The following CRPPA variants were observed in gnomAD, a reference collection of about 807,000 sequenced individuals.
CRPPA encodes the protein CDP-L-ribitol pyrophosphorylase A.
CRPPA carries 43 observed loss-of-function variants against 52.0 expected under a neutral mutation model. The ratio of observed to expected loss-of-function variants is 0.83; its 90% CI spans 0.65 to 1.07. The LOEUF (loss-of-function observed/expected upper bound fraction) is 1.07. Among genes scored for constraint, CRPPA ranks in the 50% least tolerant of loss-of-function variants. CRPPA has a pLI of 0.00. For missense variants in CRPPA, 629 were observed against 551.7 expected, an observed-to-expected ratio of 1.14 and a Z score of -1.40; for synonymous variants, 250 against 203.5, an observed-to-expected ratio of 1.23 and a Z score of -1.94.
intron 9 of CRPPA, 22 bp downstream of exon 9, chr7:16,216,044 G>A (rs764602965): frequency 2.6e-5 from 40 of 1,549,342 alleles, no homozygotes; most frequent in South Asian, 4.8e-5. Flanking sequence ...ACATACATTC[G>A]GAAGATAAAC....
chr7:16,304,329 A>C (rs1037524026), intron 4 of CRPPA, among the ~76,000 whole-genome samples: 2 of 152,152 alleles, frequency 1.3e-5, no homozygotes, highest in African/African-American at 4.8e-5. Context: ...GAAAGAAAAA[A>C]AAAACTGATA....
intron 1 of CRPPA, among the ~76,000 whole-genome samples, chr7:16,416,757 G>A (rs1788204958): frequency 1.3e-5 from 2 of 151,992 alleles, no homozygotes; most frequent in Non-Finnish European, 1.5e-5. Context: ...TGGGAGGATC[G>A]CTTGAGCCCA....
intron 5 of CRPPA, among the ~76,000 whole-genome samples, chr7:16,293,647 T>G (rs564295577): frequency 1.3e-5 from 2 of 151,880 alleles, no homozygotes; most frequent in African/African-American, 4.8e-5. Context: ...AATAAAGACA[T>G]GCAAGAAAAC....
chr7:16,324,758 T>C (rs1025141486), intron 3 of CRPPA, among the ~76,000 whole-genome samples: 3 of 152,218 alleles, frequency 2.0e-5, no homozygotes, highest in Non-Finnish European at 4.4e-5. Context: ...GAAACCAGAA[T>C]TATCTCAATA....
chr7:16,343,051 T>A (rs969843145), intron 3 of CRPPA, among the ~76,000 whole-genome samples: 3 of 151,156 alleles, frequency 2.0e-5, no homozygotes, highest in Admixed American at 1.3e-4. Context: ...AAAAAATAAA[T>A]AAGTAAATGA....
At chr7:16,119,742 C>T (rs1357126150) in intron 9 of CRPPA, among the ~76,000 whole-genome samples, 1 of 152,090 alleles carries the variant, frequency 6.6e-6, no homozygotes, top group African/African-American at 2.4e-5. Flanking sequence ...AGTGTCACTA[C>T]AAAAGTTATA....
intron 9 of CRPPA, among the ~76,000 whole-genome samples, chr7:16,207,304 C>T (rs1421707524): frequency 6.6e-6 from 1 of 152,144 alleles, no homozygotes; most frequent in East Asian, 1.9e-4. Flanking sequence ...CAATACGCTG[C>T]AAATGTTTCA....
intron 3 of CRPPA, among the ~76,000 whole-genome samples, chr7:16,356,851 T>G (rs1441186528): frequency 6.6e-6 from 1 of 152,228 alleles, no homozygotes; most frequent in Non-Finnish European, 1.5e-5. Context: ...TACTGAGCAC[T>G]GTAAATGATG....
At chr7:16,376,932 T>G (rs906736015) in intron 2 of CRPPA, among the ~76,000 whole-genome samples, 2 of 152,176 alleles carry the variant, frequency 1.3e-5, no homozygotes, top group Non-Finnish European at 2.9e-5. Flanking sequence ...TTGAAGGCCA[T>G]TACCAGAAGA....
chr7:16,179,227 C>T (rs1331652022), intron 9 of CRPPA, among the ~76,000 whole-genome samples: 2 of 151,970 alleles, frequency 1.3e-5, no homozygotes, highest in Admixed American at 1.3e-4. Context: ...TTCTATTCTT[C>T]ACAGGCATTC....
intron 3 of CRPPA, among the ~76,000 whole-genome samples, chr7:16,375,265 C>T (rs1241971807): frequency 1.3e-5 from 2 of 152,134 alleles, no homozygotes; most frequent in Non-Finnish European, 2.9e-5. Context: ...CCTAATTCTT[C>T]CTCACCTCCT....
intron 5 of CRPPA, among the ~76,000 whole-genome samples, chr7:16,288,215 T>A (rs1449726291): frequency 2.0e-5 from 3 of 151,940 alleles, no homozygotes; most frequent in African/African-American, 7.3e-5. Context: ...AAATAAAAAT[T>A]GGTGTTAAAC....
intron 2 of CRPPA, among the ~76,000 whole-genome samples, chr7:16,401,230 C>G (rs1257247608): frequency 6.6e-6 from 1 of 152,204 alleles, no homozygotes; most frequent in African/African-American, 2.4e-5. Flanking sequence ...AAATAACAGA[C>G]TCTCCTGTTA....
intron 9 of CRPPA, among the ~76,000 whole-genome samples, chr7:16,177,553 C>A (rs750919924): frequency 2.6e-5 from 4 of 151,978 alleles, no homozygotes; most frequent in Non-Finnish European, 4.4e-5. Context: ...AACAAAAGAA[C>A]ATACGTATAT....
At chr7:16,183,338 G>A (rs1400764980) in intron 9 of CRPPA, among the ~76,000 whole-genome samples, 1 of 152,108 alleles carries the variant, frequency 6.6e-6, no homozygotes, top group African/African-American at 2.4e-5. Context: ...CTTTCTGAAG[G>A]GCTGTCTCTT....
At chr7:16,387,035 T>TA (rs368044666) in intron 2 of CRPPA, among the ~76,000 whole-genome samples, 1 of 91,614 alleles carries the variant, frequency 1.1e-5, no homozygotes, top group African/African-American at 4.2e-5. Context: ...TAATTTAAAA[T>TA]AAAAAAAAGA....
At chr7:16,113,453 C>T (rs1013905815) in intron 9 of CRPPA, among the ~76,000 whole-genome samples, 2 of 151,856 alleles carry the variant, frequency 1.3e-5, no homozygotes, top group African/African-American at 4.8e-5. Context: ...AACAAAAATT[C>T]ATCAAGGAAA....
intron 9 of CRPPA, among the ~76,000 whole-genome samples, chr7:16,181,236 A>G (rs950013620): frequency 6.6e-5 from 10 of 151,938 alleles, no homozygotes; most frequent in Non-Finnish European, 1.3e-4. Context: ...AATTATTTTA[A>G]GAAAATGTAT....
chr7:16,224,381 T>C (rs1782596812), intron 8 of CRPPA, among the ~76,000 whole-genome samples: 1 of 152,150 alleles, frequency 6.6e-6, no homozygotes, highest in Non-Finnish European at 1.5e-5. Flanking sequence ...AACACTTTCG[T>C]CTCATTGCAG....
Sources: gnomAD v4.1 joint callset for allele counts (sites outside exome capture counted in the v4.1 genomes callset) on GRCh38, gnomAD v4.1.1 for gene constraint, MANE v1.5 for transcripts, NCBI Gene and HGNC (gene_info 2026-07-23, HGNC 2026-07-21) for gene names.